MFN1: variants seen among roughly 807,000 people sequenced by gnomAD.
MFN1 encodes mitofusin 1.
MFN1 carries 65 observed loss-of-function variants against 92.4 expected under a neutral mutation model. The observed-to-expected ratio is 0.70, with a 90% CI of 0.58 to 0.86. The LOEUF is 0.86. Among genes scored for constraint, MFN1 ranks in the 40% least tolerant of loss-of-function variants. MFN1 has a pLI of 0.00. For synonymous variants in MFN1, 297 were observed against 300.9 expected (o/e 0.99, Z 0.13); for missense variants, 781 against 868.0 (o/e 0.90, Z 1.26).
chr3:179,375,472 C>A, intron 10 of MFN1, 131 bp downstream of exon 10: 1 of 1,066,768 alleles, frequency 9.4e-7, no homozygotes, highest in South Asian at 1.4e-5. Flanking sequence ...TAACTGATGC[C>A]TACTTCTATA....
chr3:179,354,298 G>GTTGAA (rs1325756772), intron 3 of MFN1, among the ~76,000 whole-genome samples: 2 of 152,236 alleles, frequency 1.3e-5, no homozygotes, highest in African/African-American at 4.8e-5. Flanking sequence ...AACTCAAGTA[G>GTTGAA]TTGAATTTAA....
At chr3:179,390,265 TATTTA>T (rs1383392068) in intron 17 of MFN1, 127 bp downstream of exon 17, 15 of 832,626 alleles carry the variant, frequency 1.8e-5, no homozygotes, top group Non-Finnish European at 2.2e-5. Flanking sequence ...AAATCTTCCA[TATTTA>T]ATTCCATGTG....
At position 179,394,153 on chromosome 3, in the gene MFN1, C is replaced by G. The variant is rs1168184482; in HGVS notation, c.*2094C>G. On this transcript the variant is annotated 3_prime_UTR_variant, in exon 18 of 18. Coordinates refer to ENST00000471841, the MANE Select transcript of MFN1 (RefSeq NM_033540.3). ...GTAAGCCACCACACACAGCTATAAT[C>G]AACCTTCAAACTTATAAAAAGTGTG... 1 of 152,170 alleles carries G rather than the reference C, an allele frequency of 6.6e-6. No individual in the cohort carries two copies. The highest frequency in any genetic ancestry group is 1.9e-4 in the East Asian group (1 of 5,172). 9.4% of individuals were successfully genotyped at this position (152,170 alleles called of 1,614,324 possible). A position where few individuals can be genotyped will look rare whatever the true frequency, so the allele number is the denominator to read the frequency against.
chr3:179,362,600 C>A, intron 5 of MFN1, 118 bp downstream of exon 5: 2 of 874,454 alleles, frequency 2.3e-6, no homozygotes, highest in Non-Finnish European at 3.3e-6. Flanking sequence ...TTCTCATTAG[C>A]TAGATTAAGG....
At chr3:179,368,641 CAG>C (rs1712898088) in intron 9 of MFN1, among the ~76,000 whole-genome samples, 1 of 152,216 alleles carries the variant, frequency 6.6e-6, no homozygotes, top group Admixed American at 6.5e-5. Context: ...TCAGCGTTTT[CAG>C]AAACTTCTAG....
intron 4 of MFN1, 66 bp from the exon 5 acceptor site, chr3:179,362,292 T>C (rs1202104818): frequency 6.9e-7 from 1 of 1,442,048 alleles, no homozygotes; most frequent in Middle Eastern, 2.6e-4. Context: ...TGTACCACAA[T>C]GTTTTTAATT....
rs757924676 is a variant in MFN1, at chr3:179,365,114, T to C, written c.646-4T>C. 5 of 1,519,468 alleles carry C rather than the reference T, an allele frequency of 3.3e-6. No individual in the cohort carries two copies. The African/African-American group carries it at 7.2e-5, about 22-fold the overall frequency. 94.1% of individuals were successfully genotyped at this position (1,519,468 alleles called of 1,614,324 possible). A position where few individuals can be genotyped will look rare whatever the true frequency, so the allele number is the denominator to read the frequency against. On this transcript the variant is annotated splice_polypyrimidine_tract_variant and splice_region_variant and intron_variant, in intron 6 of 17. Coordinates refer to ENST00000471841, the MANE Select transcript of MFN1 (RefSeq NM_033540.3). Reference sequence around the variant, plus strand: ...TGTACTGTGGGGTTTTTTTTGTTTTTCAGGAAAAACACTTTTTTCACAAGG... The same window carrying C: ...TGTACTGTGGGGTTTTTTTTGTTTTCCAGGAAAAACACTTTTTTCACAAGG...
intron 7 of MFN1, 22 bp downstream of exon 7, chr3:179,365,247 TG>T: frequency 7.3e-7 from 1 of 1,377,140 alleles, no homozygotes; most frequent in Non-Finnish European, 9.8e-7. Flanking sequence ...TTTTTTTTTT[TG>T]TAGGTTTTGA....
rs778161447 is a variant in MFN1, at chr3:179,390,096, T to C, written c.2105T>C (p.Ile702Thr). ...GAAATTGCTAGATTACCCAAAGAAATAGATCAGTTGGAGAAAATACAAAAC... is the reference window on the plus strand; with the variant it reads ...GAAATTGCTAGATTACCCAAAGAAACAGATCAGTTGGAGAAAATACAAAAC... Reference protein sequence around the residue: ...EEEIARLPKEIDQLEKIQNNS... With the variant: ...EEEIARLPKETDQLEKIQNNS... The change falls in exon 17 of 18, where the codon ATA becomes ACA. Residue 702 changes from isoleucine to threonine, a missense_variant. By Grantham distance (89) the Ile-to-Thr change is moderately conservative. Coordinates refer to ENST00000471841, the MANE Select transcript of MFN1 (RefSeq NM_033540.3). The C allele has an allele frequency of 6.2e-7, 1 of 1,605,274 alleles. No individual in the cohort carries two copies. The highest frequency in any genetic ancestry group is 8.5e-7 in the Non-Finnish European group (1 of 1,177,292).
rs187207749 is a variant in MFN1 at position 179,393,559 on chromosome 3, A to C, written c.*1500A>C. ...ACTAGGCCATTGAAGCCTTTCAAAAATATATTTTTATGCAAATTGACACGA... is the reference window on the plus strand; with the variant it reads ...ACTAGGCCATTGAAGCCTTTCAAAACTATATTTTTATGCAAATTGACACGA... On this transcript the variant is annotated 3_prime_UTR_variant, in exon 18 of 18. Transcript: ENST00000471841. The C allele has an allele frequency of 2.8e-3, 426 of 152,328 alleles. No individual in the cohort carries two copies. Among genetic ancestry groups the C allele is most frequent in the African/African-American group, 9.9e-3 (413 of 41,560 alleles). 9.4% of individuals were successfully genotyped at this position (152,328 alleles called of 1,614,324 possible). A position where few individuals can be genotyped will look rare whatever the true frequency, so the allele number is the denominator to read the frequency against.
chr3:179,367,561 A>T lies in MFN1; in HGVS notation c.876A>T (p.Arg292Ser). Residue 292 changes from arginine (R) to serine (S), a missense_variant, in exon 8 of 18, where the codon AGA becomes AGT. Physicochemically the swap from Arg to Ser is moderately radical, Grantham distance 110. Transcript: ENST00000471841. ...CAGCAAAGGAAGTTCTTAGTGCTAG[A>T]AAGCAAAAAGCACAGGGGATGCCAG... ...FVSAKEVLSA[R>S]KQKAQGMPES... is the part of the protein sequence containing the mutation. The T allele has an allele frequency of 6.2e-7, 1 of 1,613,464 alleles. No homozygotes were observed. The highest frequency in any genetic ancestry group is 8.5e-7 in the Non-Finnish European group (1 of 1,179,770).
At chr3:179,356,771 A>G (rs965774805) in intron 3 of MFN1, among the ~76,000 whole-genome samples, 1 of 152,130 alleles carries the variant, frequency 6.6e-6, no homozygotes, top group African/African-American at 2.4e-5. Flanking sequence ...TGCATCATTA[A>G]TGGGCTCCCC....
intron 15 of MFN1, 36 bp from the exon 16 acceptor site, chr3:179,386,397 T>C (rs548672868): frequency 3.8e-6 from 6 of 1,565,696 alleles, no homozygotes; most frequent in Admixed American, 3.8e-5. Flanking sequence ...AGTGGTGTTT[T>C]TCCTTCTCAG....
intron 10 of MFN1, among the ~76,000 whole-genome samples, chr3:179,375,791 G>A (rs970639449): frequency 6.6e-6 from 1 of 152,154 alleles, no homozygotes; most frequent in East Asian, 1.9e-4. Flanking sequence ...CAAACAAGGC[G>A]ATGCTACCTG....
rs1380836374 is a variant in MFN1 at position 179,348,837 on chromosome 3, C to T, written c.-7-8C>T. On this transcript the variant is annotated splice_polypyrimidine_tract_variant and splice_region_variant and intron_variant, in intron 1 of 17. Coordinates refer to ENST00000471841, the MANE Select transcript of MFN1 (RefSeq NM_033540.3). Reference sequence around the variant, plus strand: ...AGTTGGTGCTTTTCTAACTTTATCTCCCTCTAGTAGCATAATGGCAGAACC... The same window carrying T: ...AGTTGGTGCTTTTCTAACTTTATCTTCCTCTAGTAGCATAATGGCAGAACC... The T allele has an allele frequency of 5.0e-6, 8 of 1,608,002 alleles. No homozygotes were observed. Among genetic ancestry groups the T allele is most frequent in the African/African-American group, 1.3e-5 (1 of 74,986 alleles).
In MFN1 at chr3:179,377,277, TTTAA is replaced by T. The variant is rs532967596; in HGVS notation, c.1225-64_1225-61del. On this transcript the variant is annotated intron_variant, in intron 11 of 17. Transcript: ENST00000471841. ...AAAAGAATGTTTTCAGATTTTTCAATTTAATTTTTTTGAATAATTGATAATCTTG... is the reference window on the plus strand; with the variant it reads ...AAAAGAATGTTTTCAGATTTTTCAATTTTTTTTGAATAATTGATAATCTTG... 7.5e-4 allele frequency: 1,143 copies of T among 1,525,316 alleles called. 12 individuals carry two copies. The African/African-American group carries it at 0.015, about 20-fold the overall frequency. The allele number at this position is 1,525,316 out of a possible 1,614,324, so 94.5% of individuals were successfully genotyped here.
intron 4 of MFN1, among the ~76,000 whole-genome samples, chr3:179,360,142 C>T (rs1205352629): frequency 2.0e-5 from 3 of 151,958 alleles, no homozygotes; most frequent in African/African-American, 4.8e-5. Flanking sequence ...TCTTGAACTC[C>T]TGACCTCAGG....
intron 2 of MFN1, among the ~76,000 whole-genome samples, chr3:179,351,368 TTC>T (rs1404606141): frequency 6.6e-6 from 1 of 152,180 alleles, no homozygotes; most frequent in Non-Finnish European, 1.5e-5. Context: ...CAACCTGTAA[TTC>T]TCTTTCTTCT....
intron 9 of MFN1, among the ~76,000 whole-genome samples, chr3:179,374,992 T>C (rs1713182726): frequency 6.6e-6 from 1 of 152,238 alleles, no homozygotes; most frequent in Admixed American, 6.5e-5. Flanking sequence ...TGCACATTAC[T>C]GTGTAAAAAT....
Sources: allele counts gnomAD v4.1 joint callset (sites outside exome capture counted in the v4.1 genomes callset), GRCh38; gene constraint gnomAD v4.1.1; transcripts MANE v1.5; gene names NCBI Gene and HGNC (gene_info 2026-07-23, HGNC 2026-07-21).